ALOX15: variants seen among roughly 807,000 people sequenced by gnomAD.
The protein encoded by ALOX15 is polyunsaturated fatty acid lipoxygenase ALOX15.
In ALOX15, 68 loss-of-function variants were observed where a neutral mutation model predicts 71.7. That is an observed-to-expected ratio of 0.95 (90% CI 0.78 to 1.16). ALOX15 has a LOEUF of 1.16. ALOX15 is among the 50% of genes most tolerant of loss of function. The pLI, the probability that ALOX15 is intolerant of heterozygous loss-of-function variation, is 0.00. For synonymous variants in ALOX15, 346 were observed against 333.3 expected, an observed-to-expected ratio of 1.04 and a Z score of -0.42; for missense variants, 798 against 818.8, an observed-to-expected ratio of 0.97 and a Z score of 0.31.
At chr17:4,636,326 A>G (rs539860044) in intron 7 of ALOX15, among the ~76,000 whole-genome samples, 1 of 152,238 alleles carries the variant, frequency 6.6e-6, no homozygotes, top group African/African-American at 2.4e-5. Context: ...CTCTACACAA[A>G]TGACTGAATC....
At chr17:4,638,166 T>C (rs1439717890) in intron 6 of ALOX15, 51 bp downstream of exon 6, 14 of 576,198 alleles carry the variant, frequency 2.4e-5, no homozygotes, top group Non-Finnish European at 4.1e-5. Flanking sequence ...TCATTGGCAC[T>C]AGGCCACCCC....
Position 4,633,873 on chromosome 17 carries a change from C to A in ALOX15, c.1162-373G>T, listed in dbSNP as rs1435535051. Among the ~76,000 whole-genome samples the A allele has an allele frequency of 2.0e-5, 3 of 152,200 alleles. No homozygotes were observed. In the East Asian group the frequency reaches 5.8e-4, roughly 29 times the overall value. On this transcript the variant is annotated intron_variant, in intron 8 of 13. Coordinates refer to ENST00000293761, the MANE Select transcript of ALOX15 (RefSeq NM_001140.5). ...CCATGAAGAAGAACAAGATCATGTT[C>A]TCTGCAGCAACATGGATGGAGCTGG...
rs777734631 is a variant in ALOX15 at position 4,631,892 on chromosome 17, A to G, written c.1806T>C (p.Val602=). The change falls in exon 13 of 14, where the codon GTT becomes GTC. Residue 602 remains valine, a synonymous_variant. Transcript: ENST00000293761. ...ITWQLGRRQP[V]MVAVGQHEEE... is the part of the protein sequence containing the mutation. Reference sequence around the variant, plus strand: ...GCCCTGGGCACTCAGCTCTCACCATAACGGGCTGGCGTCTGCCCAGCTGCC... The same window carrying G: ...GCCCTGGGCACTCAGCTCTCACCATGACGGGCTGGCGTCTGCCCAGCTGCC... The G allele has an allele frequency of 9.3e-6, 15 of 1,611,152 alleles. No homozygotes were observed. The Admixed American group carries it at 1.3e-4, about 14-fold the overall frequency.
chr17:4,639,152 C>G lies in ALOX15; in HGVS notation c.338-20G>C, dbSNP rs111579925. Reference sequence around the variant, plus strand: ...TGCGGCCTAGAAGGACAGAGGAGGACTTGGCCAGTGACTTTTGGTGAGCGC... The same window carrying G: ...TGCGGCCTAGAAGGACAGAGGAGGAGTTGGCCAGTGACTTTTGGTGAGCGC... On this transcript the variant is annotated intron_variant, in intron 2 of 13. Transcript: ENST00000293761. 1 of 1,613,982 alleles carries G rather than the reference C, an allele frequency of 6.2e-7. No individual in the cohort carries two copies. Among genetic ancestry groups the G allele is most frequent in the South Asian group, 1.1e-5 (1 of 91,080 alleles).
At chr17:4,637,711 TTA>T (rs2150537133) in intron 6 of ALOX15, among the ~76,000 whole-genome samples, 1 of 152,264 alleles carries the variant, frequency 6.6e-6, no homozygotes, top group South Asian at 2.1e-4. Flanking sequence ...GTGCTCAGCC[TTA>T]TAATTTTTAT....
chr17:4,639,160 G>A (rs1474832172), intron 2 of ALOX15, 28 bp from the exon 3 acceptor site: 2 of 1,612,814 alleles, frequency 1.2e-6, no homozygotes, highest in East Asian at 2.2e-5. Context: ...GACTTGGCCA[G>A]TGACTTTTGG....
At chr17:4,634,397 G>C (rs1911018688) in intron 8 of ALOX15, among the ~76,000 whole-genome samples, 1 of 151,766 alleles carries the variant, frequency 6.6e-6, no homozygotes, top group African/African-American at 2.4e-5. Context: ...CCGTCTTCTG[G>C]GTTCACGCGA....
At position 4,639,036 on chromosome 17, in the gene ALOX15, G is replaced by C. The variant is rs375327702; in HGVS notation, c.419+15C>G. ...GCATCAGCAGCTCACGTGGGGTCAGGGGAGGAGGGCTCACCGGTACAACTT... is the reference window on the plus strand; with the variant it reads ...GCATCAGCAGCTCACGTGGGGTCAGCGGAGGAGGGCTCACCGGTACAACTT... On this transcript the variant is annotated intron_variant, in intron 3 of 13. Coordinates refer to ENST00000293761, the MANE Select transcript of ALOX15 (RefSeq NM_001140.5). 129 of 1,614,184 alleles carry C rather than the reference G, an allele frequency of 8.0e-5. No individual in the cohort carries two copies. The highest frequency in any genetic ancestry group is 1.1e-4 in the Non-Finnish European group (128 of 1,180,026).
Position 4,632,870 on chromosome 17 carries a change from G to A in ALOX15, c.1531C>T (p.Gln511Ter), listed in dbSNP as rs201039064. 1.4e-5 allele frequency: 22 copies of A among 1,613,978 alleles called. No homozygotes were observed. The highest frequency in any genetic ancestry group is 1.7e-5 in the Non-Finnish European group (20 of 1,180,002). ...CAGGGGCTCCTCTTACCTCGGTCCT[G>A]GGCCCCTTGCAGCCCGATTTCAGTG... ...EITEIGLQGA[Q>*]DRGFPVSLQA... Residue 511 changes from glutamine (Q) to a stop codon, truncating the protein, a stop_gained, in exon 11 of 14, where the codon CAG (glutamine) becomes TAG (stop). Coordinates refer to ENST00000293761, the MANE Select transcript of ALOX15 (RefSeq NM_001140.5). LOFTEE classifies it high-confidence loss of function.
At position 4,641,592 on chromosome 17, in the gene ALOX15, G is replaced by A. The variant is rs1911335336; in HGVS notation, c.60C>T (p.Asn20=). Residue 20 remains asparagine, a synonymous_variant, in exon 1 of 14, where the codon AAC becomes AAT. Coordinates refer to ENST00000293761, the MANE Select transcript of ALOX15 (RefSeq NM_001140.5). ...GGCCGACCAGCCACAGCTGCACCTG[G>A]TTGTTGGAACCGGCATAGAGCGAGG... ...TGASLYAGSN[N]QVQLWLVGQH... is the part of the protein sequence containing the mutation. 1 of 1,613,790 alleles carries A rather than the reference G, an allele frequency of 6.2e-7. No homozygotes were observed. The highest frequency in any genetic ancestry group is 8.5e-7 in the Non-Finnish European group (1 of 1,180,046).
At chr17:4,638,778 G>A in intron 4 of ALOX15, 72 bp downstream of exon 4, 16 of 1,612,912 alleles carry the variant, frequency 9.9e-6, no homozygotes, top group Non-Finnish European at 1.3e-5. Flanking sequence ...CCAATGCAGT[G>A]CAGCCCATAA....
chr17:4,639,249 G>A (rs180812190), intron 2 of ALOX15, 117 bp from the exon 3 acceptor site: 15 of 1,422,250 alleles, frequency 1.1e-5, no homozygotes, highest in Admixed American at 1.7e-5. Context: ...TCAGCATCAC[G>A]CCCCTCCCCC....
At chr17:4,636,229 T>C (rs1435118668) in intron 7 of ALOX15, among the ~76,000 whole-genome samples, 1 of 152,164 alleles carries the variant, frequency 6.6e-6, no homozygotes, top group Non-Finnish European at 1.5e-5. Context: ...CCACTTCCCC[T>C]TTCAGTTCCC....
intron 8 of ALOX15, among the ~76,000 whole-genome samples, chr17:4,635,262 C>T (rs1904304): frequency 0.92 from 140,326 of 151,750 alleles, 65,587 homozygotes; most frequent in East Asian, 1. Flanking sequence ...GAAATCCTGT[C>T]TCTATTAAAA....
intron 8 of ALOX15, 105 bp downstream of exon 8, chr17:4,635,652 GTT>G: frequency 9.2e-7 from 1 of 1,085,812 alleles, no homozygotes; most frequent in East Asian, 2.4e-5. Context: ...TCCATTCATT[GTT>G]TCTCTCTGTA....
chr17:4,635,789 C>A lies in ALOX15; in HGVS notation c.1131G>T (p.Arg377Ser), dbSNP rs773348634. ...AGATAGGATGTATCGACGGCAGGCA[C>A]CTCATGGTGGCCACAACAATGACCT... ...MAEVIVVATM[R>S]CLPSIHPIFK... Residue 377 changes from arginine (R) to serine (S), a missense_variant, in exon 8 of 14, where the codon AGG becomes AGT. Coordinates refer to ENST00000293761, the MANE Select transcript of ALOX15 (RefSeq NM_001140.5). The A allele has an allele frequency of 3.1e-6, 5 of 1,614,238 alleles. No individual in the cohort carries two copies. The highest frequency in any genetic ancestry group is 4.2e-6 in the Non-Finnish European group (5 of 1,180,050).
intron 8 of ALOX15, 59 bp downstream of exon 8, chr17:4,635,700 C>G (rs778250498): frequency 6.4e-7 from 1 of 1,563,436 alleles, no homozygotes; most frequent in Non-Finnish European, 8.8e-7. Flanking sequence ...CTCCAGAGGT[C>G]GGAACGTGCC....
chr17:4,638,742 A>G, intron 4 of ALOX15, 58 bp from the exon 5 acceptor site: 8 of 1,613,162 alleles, frequency 5.0e-6, no homozygotes, highest in Admixed American at 3.3e-5. Context: ...TAACATGACG[A>G]CCACAGGCAC....
At chr17:4,638,125 A>G (rs1303370625) in intron 6 of ALOX15, 92 bp downstream of exon 6, 1 of 582,286 alleles carries the variant, frequency 1.7e-6, no homozygotes, top group African/African-American at 1.9e-5. Context: ...GCTGGCAGCA[A>G]GCCAGGCCCA....
Sources: allele counts gnomAD v4.1 joint callset (sites outside exome capture counted in the v4.1 genomes callset), GRCh38; gene constraint gnomAD v4.1.1; transcripts MANE v1.5; gene names NCBI Gene and HGNC (gene_info 2026-07-23, HGNC 2026-07-21).